Variants in PDE4D observed in about 807,000 individuals in gnomAD.
PDE4D encodes 3',5'-cyclic-AMP phosphodiesterase 4D.
Under a neutral mutation model 87.4 loss-of-function variants are expected in PDE4D, and 24 were observed. The ratio of observed to expected loss-of-function variants is 0.27; its 90% confidence interval spans 0.20 to 0.39. The LOEUF is 0.39. PDE4D is among the 10% of genes least tolerant of loss of function. PDE4D has a pLI of 1.00. For synonymous variants in PDE4D, 384 were observed against 383.2 expected, an observed-to-expected ratio of 1.00 and a Z score of -0.02; for missense variants, 714 against 1,041.0, an observed-to-expected ratio of 0.69 and a Z score of 4.32.
chr5:59,631,005 T>C (rs1831500392), intron 1 of PDE4D, among the ~76,000 whole-genome samples: 2 of 152,164 alleles, frequency 1.3e-5, no homozygotes, highest in South Asian at 4.1e-4. Context: ...CTTGAAGACA[T>C]CTTGTGAAAT....
chr5:59,719,606 C>T (rs1487865162), intron 1 of PDE4D, among the ~76,000 whole-genome samples: 1 of 152,170 alleles, frequency 6.6e-6, no homozygotes, highest in African/African-American at 2.4e-5. Flanking sequence ...GCATGTATCT[C>T]ACCTTAAGCA....
intron 1 of PDE4D, among the ~76,000 whole-genome samples, chr5:60,347,698 C>G (rs1359363916): frequency 2.0e-5 from 3 of 152,116 alleles, no homozygotes; most frequent in Non-Finnish European, 4.4e-5. Flanking sequence ...CAGCTAAAAG[C>G]ACTACTGAAG....
intron 2 of PDE4D, among the ~76,000 whole-genome samples, chr5:60,106,915 C>G (rs80239536): frequency 2.9e-3 from 401 of 136,470 alleles, no homozygotes; most frequent in Non-Finnish European, 4.6e-3. Flanking sequence ...AGGAAAGATC[C>G]AAAATTGACA....
intron 1 of PDE4D, among the ~76,000 whole-genome samples, chr5:60,497,948 G>T (rs748720843): frequency 1.3e-5 from 2 of 152,126 alleles, no homozygotes; most frequent in Non-Finnish European, 2.9e-5. Context: ...AGGAACACTG[G>T]TTAAGTCTAA....
intron 1 of PDE4D, among the ~76,000 whole-genome samples, chr5:59,236,623 C>G (rs532926442): frequency 6.6e-6 from 1 of 152,242 alleles, no homozygotes; most frequent in South Asian, 2.1e-4. Flanking sequence ...GCTGTGCTTA[C>G]TCGGGAGCGG....
intron 1 of PDE4D, among the ~76,000 whole-genome samples, chr5:60,475,614 T>C (rs1326572076): frequency 6.6e-6 from 1 of 152,152 alleles, no homozygotes; most frequent in Non-Finnish European, 1.5e-5. Context: ...CCATTCTTTT[T>C]CCTTTCATTC....
chr5:59,860,060 G>A (rs1186572471), intron 1 of PDE4D, among the ~76,000 whole-genome samples: 1 of 152,162 alleles, frequency 6.6e-6, no homozygotes, highest in East Asian at 1.9e-4. Context: ...AAAGGTTAAA[G>A]GAGAAATCAA....
At chr5:60,084,963 T>C (rs1404924725) in intron 2 of PDE4D, among the ~76,000 whole-genome samples, 2 of 152,232 alleles carry the variant, frequency 1.3e-5, no homozygotes, top group East Asian at 1.9e-4. Context: ...ATTCTGATTG[T>C]TCAGCGTCCA....
chr5:59,274,082 A>G (rs1764346114), intron 1 of PDE4D, among the ~76,000 whole-genome samples: 1 of 152,142 alleles, frequency 6.6e-6, no homozygotes, highest in Non-Finnish European at 1.5e-5. Context: ...TATATTAGCT[A>G]TGGTAATTCA....
intron 1 of PDE4D, among the ~76,000 whole-genome samples, chr5:60,407,444 C>CTTTTT (rs70975385): frequency 7.5e-5 from 6 of 80,096 alleles, no homozygotes; most frequent in African/African-American, 2.3e-4. Flanking sequence ...TTTCTTTTTC[C>CTTTTT]TTTTTTTTTT....
chr5:59,186,354 G>C (rs900261282), intron 3 of PDE4D, among the ~76,000 whole-genome samples: 2 of 152,148 alleles, frequency 1.3e-5, no homozygotes, highest in South Asian at 4.1e-4. Context: ...TGGAATGACA[G>C]GTTTGGTGCC....
chr5:59,704,799 A>T (rs149774156), intron 1 of PDE4D, among the ~76,000 whole-genome samples: 1 of 152,320 alleles, frequency 6.6e-6, no homozygotes, highest in East Asian at 1.9e-4. Context: ...TTTTTGACTA[A>T]GAGACAATGT....
chr5:59,560,981 C>T lies in PDE4D; in HGVS notation c.455+332187G>A, dbSNP rs1217147414. On this transcript the variant is annotated intron_variant, in intron 1 of 14. Transcript: ENST00000340635. ...GAGTAAGAGAACACTAAGTTCCTCA[C>T]TTAAAAGTTATGGCAGACATTTCAA... 3 of 152,234 alleles carry T rather than the reference C, an allele frequency of 2.0e-5. No homozygotes were observed. The East Asian group carries it at 5.8e-4, about 29-fold the overall frequency. The allele number at this position is 152,234 out of a possible 1,614,324, so 9.4% of individuals were successfully genotyped here. A position where few individuals can be genotyped will look rare whatever the true frequency, so the allele number is the denominator to read the frequency against.
intron 1 of PDE4D, among the ~76,000 whole-genome samples, chr5:60,326,855 T>G (rs1446834798): frequency 2.0e-5 from 3 of 152,182 alleles, no homozygotes; most frequent in Admixed American, 2.0e-4. Context: ...TTAGATTGCA[T>G]TGACATTAAA....
At chr5:59,012,203 A>T (rs868147568) in intron 6 of PDE4D, among the ~76,000 whole-genome samples, 5 of 152,226 alleles carry the variant, frequency 3.3e-5, no homozygotes, top group African/African-American at 1.2e-4. Flanking sequence ...AAAACATGCC[A>T]AATTGTAAAG....
Position 59,077,440 on chromosome 5 carries a change from T to C in PDE4D, c.809-38469A>G, listed in dbSNP as rs951785349. 2.0e-5 allele frequency among the ~76,000 whole-genome samples: 3 copies of C among 151,888 alleles called. No individual in the cohort carries two copies. The South Asian group carries it at 6.2e-4, about 32-fold the overall frequency. ...GCTGAAGCAGTTACACTATACTGTA[T>C]ATCTGCAGGATGGGCAACTGATTTT... is the stretch of plus-strand genomic sequence containing the variant. On this transcript the variant is annotated intron_variant, in intron 5 of 14. Coordinates refer to ENST00000340635, the MANE Select transcript of PDE4D (RefSeq NM_001104631.2).
intron 1 of PDE4D, among the ~76,000 whole-genome samples, chr5:60,198,548 A>G (rs1294637282): frequency 6.6e-6 from 1 of 151,642 alleles, no homozygotes; most frequent in Non-Finnish European, 1.5e-5. Flanking sequence ...CTCACATTTC[A>G]AGGCTACTAC....
At chr5:60,348,928 T>C (rs1191545228) in intron 1 of PDE4D, among the ~76,000 whole-genome samples, 1 of 152,164 alleles carries the variant, frequency 6.6e-6, no homozygotes, top group Admixed American at 6.6e-5. Context: ...TTAATGCTTT[T>C]AATATTAATA....
chr5:59,026,482 G>T (rs1382359742), intron 6 of PDE4D, among the ~76,000 whole-genome samples: 1 of 152,162 alleles, frequency 6.6e-6, no homozygotes, highest in African/African-American at 2.4e-5. Flanking sequence ...ATGTTATATT[G>T]ACACTCACTG....
Sources: gnomAD v4.1 joint callset for allele counts (sites outside exome capture counted in the v4.1 genomes callset) on GRCh38, gnomAD v4.1.1 for gene constraint, MANE v1.5 for transcripts, NCBI Gene and HGNC (gene_info 2026-07-23, HGNC 2026-07-21) for gene names.